DRAM2: variants seen among roughly 807,000 people sequenced by gnomAD.
DRAM2 encodes DNA damage regulated autophagy modulator 2, also known as DNA damage-regulated autophagy modulator protein 2.
In DRAM2, 26 loss-of-function variants were observed where a neutral mutation model predicts 33.5. The ratio of observed to expected loss-of-function variants is 0.78; its 90% CI spans 0.57 to 1.08. The LOEUF (loss-of-function observed/expected upper bound fraction) is 1.08, where lower values mean the gene tolerates loss of function less well. Among genes scored for constraint, DRAM2 ranks in the 50% least tolerant of loss-of-function variants. The pLI, the probability that DRAM2 is intolerant of heterozygous loss-of-function variation, is 0.00. For missense variants in DRAM2, 311 were observed against 318.1 expected (o/e 0.98, Z 0.17); for synonymous variants, 98 against 109.5 (o/e 0.89, Z 0.66).
Position 111,118,021 on chromosome 1 carries a change from CCT to C in DRAM2, c.*137_*138del. ...CTATCAAATGGCTTCTTTCATGTTTCCTGATTATCAGCATTCATCAGTGTTAC... is the reference window on the plus strand; with the variant it reads ...CTATCAAATGGCTTCTTTCATGTTTCGATTATCAGCATTCATCAGTGTTAC... On this transcript the variant is annotated 3_prime_UTR_variant, in exon 10 of 10. Coordinates refer to ENST00000484310, the MANE Select transcript of DRAM2 (RefSeq NM_001349884.2). 1 of 732,986 alleles carries C rather than the reference CCT, an allele frequency of 1.4e-6. No homozygotes were observed. The highest frequency in any genetic ancestry group is 1.7e-5 in the South Asian group (1 of 59,258). 45.4% of individuals were successfully genotyped at this position (732,986 alleles called of 1,614,324 possible).
chr1:111,123,276 G>T (rs970291069), intron 6 of DRAM2, among the ~76,000 whole-genome samples: 1 of 152,034 alleles, frequency 6.6e-6, no homozygotes, highest in African/African-American at 2.4e-5. Flanking sequence ...TTTCTCCAGG[G>T]TCCATTTTTT....
intron 8 of DRAM2, 127 bp downstream of exon 8, chr1:111,119,750 T>G (rs758895452): frequency 1.9e-5 from 15 of 770,470 alleles, no homozygotes; most frequent in Non-Finnish European, 3.1e-5. Context: ...AGAAAATAAT[T>G]TTAATACAGA....
chr1:111,137,054 C>T (rs149172973), intron 3 of DRAM2, among the ~76,000 whole-genome samples: 2,355 of 151,834 alleles, frequency 0.016, 62 homozygotes, highest in African/African-American at 0.053. Flanking sequence ...GAGATCGAGA[C>T]CATCCTGGCT....
intron 3 of DRAM2, among the ~76,000 whole-genome samples, chr1:111,137,179 G>A (rs953229057): frequency 6.6e-6 from 1 of 151,226 alleles, no homozygotes; most frequent in Non-Finnish European, 1.5e-5. Context: ...TGTGAACCCC[G>A]GGGGGCGGAG....
chr1:111,134,289 G>T (rs1414782943), intron 3 of DRAM2, among the ~76,000 whole-genome samples: 2 of 151,820 alleles, frequency 1.3e-5, no homozygotes, highest in African/African-American at 2.4e-5. Context: ...GTTTGAAGGA[G>T]TATCTTCTCA....
At position 111,131,547 on chromosome 1, in the gene DRAM2, C is replaced by T. The variant is rs1652080370; in HGVS notation, c.8G>A (p.Trp3Ter). The change falls in exon 4 of 10, where the codon TGG (tryptophan) becomes TAG (stop). Residue 3 changes from tryptophan (W) to a stop codon, truncating the protein, a stop_gained. Transcript: ENST00000484310. LOFTEE classifies it high-confidence loss of function. MW[W>*]FQQGLSFLPS... ...AAGGAAACTGAGGCCTTGCTGAAAC[C>T]ACCACATTTCTAACAGGTTTTCTGA... The T allele has an allele frequency of 6.2e-7, 1 of 1,612,574 alleles. No individual in the cohort carries two copies. Among genetic ancestry groups the T allele is most frequent in the Non-Finnish European group, 8.5e-7 (1 of 1,178,996 alleles).
intron 7 of DRAM2, 36 bp downstream of exon 7, chr1:111,120,480 T>G (rs200094440): frequency 7.0e-7 from 1 of 1,436,616 alleles, no homozygotes; most frequent in East Asian, 2.7e-5. Context: ...ATTCAATTCC[T>G]TTCCAAGTGT....
At chr1:111,125,110 C>G (rs1191988901) in intron 5 of DRAM2, among the ~76,000 whole-genome samples, 1 of 152,060 alleles carries the variant, frequency 6.6e-6, no homozygotes, top group Non-Finnish European at 1.5e-5. Flanking sequence ...CTCCTGACCT[C>G]AAGTGATCCA....
chr1:111,119,859 T>C lies in DRAM2; in HGVS notation c.600+18A>G, dbSNP rs754025147. The C allele has an allele frequency of 9.4e-6, 15 of 1,599,992 alleles. No homozygotes were observed. Among genetic ancestry groups the C allele is most frequent in the Middle Eastern group, 1.7e-4 (1 of 6,042 alleles). On this transcript the variant is annotated intron_variant, in intron 8 of 9. Coordinates refer to ENST00000484310, the MANE Select transcript of DRAM2 (RefSeq NM_001349884.2). ...CATCTTTAATATAAAACTAAGTTTATAGACTGTAAGTTCTTACTTTGTCCT... is the reference window on the plus strand; with the variant it reads ...CATCTTTAATATAAAACTAAGTTTACAGACTGTAAGTTCTTACTTTGTCCT...
chr1:111,136,630 A>G lies in DRAM2; in HGVS notation c.-15+893T>C, dbSNP rs766427960. Among the ~76,000 whole-genome samples the G allele has an allele frequency of 4.7e-4, 71 of 152,116 alleles. 2 individuals are homozygous for G. The highest frequency in any genetic ancestry group is 1.6e-4 in the Non-Finnish European group (11 of 68,000). On this transcript the variant is annotated intron_variant, in intron 3 of 9. Coordinates refer to ENST00000484310, the MANE Select transcript of DRAM2 (RefSeq NM_001349884.2). ...AAACAAAGAAAAATGGAATAATGTT[A>G]TCAACACAGATTGTACCATCTGCTA...
intron 8 of DRAM2, chr1:111,119,526 A>G (rs934421075): frequency 5.0e-6 from 1 of 198,130 alleles, no homozygotes; most frequent in African/African-American, 2.4e-5. Context: ...CCAGATAACA[A>G]AAAGTGGGAG....
At chr1:111,126,043 C>A (rs1650942727) in intron 5 of DRAM2, among the ~76,000 whole-genome samples, 184 bp downstream of exon 5, 1 of 151,770 alleles carries the variant, frequency 6.6e-6, no homozygotes, top group East Asian at 1.9e-4. Flanking sequence ...GGTTTATTCC[C>A]ATAAGTCCGC....
intron 4 of DRAM2, among the ~76,000 whole-genome samples, chr1:111,129,610 A>G (rs1340050617): frequency 6.6e-6 from 1 of 152,202 alleles, no homozygotes; most frequent in Non-Finnish European, 1.5e-5. Context: ...GAAATGTCAA[A>G]TGAAAAATGT....
Position 111,131,580 on chromosome 1 carries a change from A to G in DRAM2, c.-14-12T>C, listed in dbSNP as rs367767226. The G allele has an allele frequency of 2.6e-5, 42 of 1,612,896 alleles. No homozygotes were observed. The highest frequency in any genetic ancestry group is 5.0e-5 in the Admixed American group (3 of 59,714). On this transcript the variant is annotated splice_polypyrimidine_tract_variant and intron_variant, in intron 3 of 9. Coordinates refer to ENST00000484310, the MANE Select transcript of DRAM2 (RefSeq NM_001349884.2). ...TTCTAACAGGTTTTCTGAAATAGAG[A>G]AAACATATTAGAAAAGATAATTCAC...
At chr1:111,125,740 A>G (rs1368995650) in intron 5 of DRAM2, 1 of 152,466 alleles carries the variant, frequency 6.6e-6, no homozygotes, top group East Asian at 1.9e-4. Context: ...CCATTAATAA[A>G]AATTTGGTTC....
chr1:111,132,882 G>C (rs1652390093), intron 3 of DRAM2, among the ~76,000 whole-genome samples: 1 of 151,678 alleles, frequency 6.6e-6, no homozygotes, highest in South Asian at 2.1e-4. Context: ...GTCTCATTAT[G>C]TTGCCCAGGC....
chr1:111,127,690 C>G (rs1651291221), intron 4 of DRAM2, among the ~76,000 whole-genome samples: 1 of 152,096 alleles, frequency 6.6e-6, no homozygotes, highest in Non-Finnish European at 1.5e-5. Flanking sequence ...AGCTATACTT[C>G]AAATGATACA....
At chr1:111,138,873 T>A (rs1653877570) in intron 2 of DRAM2, among the ~76,000 whole-genome samples, 1 of 152,214 alleles carries the variant, frequency 6.6e-6, no homozygotes, top group Non-Finnish European at 1.5e-5. Context: ...GTGATTACAA[T>A]TTTTTAACAA....
Position 111,119,971 on chromosome 1 carries a change from TAAGTC to T in DRAM2, c.518-17_518-13del. On this transcript the variant is annotated splice_polypyrimidine_tract_variant and intron_variant, in intron 7 of 9. Coordinates refer to ENST00000484310, the MANE Select transcript of DRAM2 (RefSeq NM_001349884.2). ...TGAGCAAGTCAGCACTATAAAAACA[TAAGTC>T]AAGGAAGAATCTCAGAGACGATCTC... is the stretch of plus-strand genomic sequence containing the variant. 21 of 1,609,334 alleles carry T rather than the reference TAAGTC, an allele frequency of 1.3e-5. No homozygotes were observed. Among genetic ancestry groups the T allele is most frequent in the Non-Finnish European group, 1.8e-5 (21 of 1,176,424 alleles).
Sources: allele counts gnomAD v4.1 joint callset (sites outside exome capture counted in the v4.1 genomes callset), GRCh38; gene constraint gnomAD v4.1.1; transcripts MANE v1.5; gene names NCBI Gene and HGNC (gene_info 2026-07-23, HGNC 2026-07-21).